CREM: variants seen among roughly 807,000 people sequenced by gnomAD.
CREM encodes cAMP responsive element modulator.
In CREM, 13 loss-of-function variants were observed where a neutral mutation model predicts 37.3. The observed-to-expected ratio is 0.35, with a 90% CI of 0.23 to 0.55. The LOEUF is 0.55. Among genes scored for constraint, CREM ranks in the 20% least tolerant of loss-of-function variants. The probability of loss-of-function intolerance (pLI) is 0.88; values close to 1 mark genes in which losing one functional copy is unlikely to be tolerated. For synonymous variants in CREM, 124 were observed against 120.2 expected (o/e 1.03, Z -0.21); for missense variants, 296 against 362.3 (o/e 0.82, Z 1.49).
At chr10:35,133,178 T>C (rs894116603) in intron 1 of CREM, among the ~76,000 whole-genome samples, 4 of 152,226 alleles carry the variant, frequency 2.6e-5, no homozygotes, top group Admixed American at 2.6e-4. Flanking sequence ...ATTTACAGTT[T>C]ACATTTTTGG....
At chr10:35,160,711 A>G (rs2093238037) in intron 3 of CREM, among the ~76,000 whole-genome samples, 2 of 152,218 alleles carry the variant, frequency 1.3e-5, no homozygotes, top group Admixed American at 1.3e-4. Context: ...TTAGCTTAAA[A>G]CACAAACATA....
At chr10:35,135,634 A>G (rs1236083415) in intron 1 of CREM, 1 of 150,346 alleles carries the variant, frequency 6.7e-6, no homozygotes, top group East Asian at 2.0e-4. Flanking sequence ...TCATGCCTGT[A>G]ATCCCAACAC....
At chr10:35,145,776 C>CA (rs370248344) in intron 2 of CREM, among the ~76,000 whole-genome samples, 66,550 of 85,222 alleles carry the variant, frequency 0.78, 26,657 homozygotes, top group South Asian at 0.9. Flanking sequence ...GACTCTGCCT[C>CA]AAAAAAAAAA....
intron 3 of CREM, among the ~76,000 whole-genome samples, chr10:35,172,724 C>T (rs749421608): frequency 6.6e-6 from 1 of 152,152 alleles, no homozygotes; most frequent in Non-Finnish European, 1.5e-5. Flanking sequence ...CCCGCTGCGT[C>T]CTGACGACCC....
intron 6 of CREM, chr10:35,195,251 C>T (rs111815126): frequency 3.6e-4 from 586 of 1,612,068 alleles, no homozygotes; most frequent in Non-Finnish European, 4.3e-4. Context: ...GTTAATTGTG[C>T]AGATTGTTTT....
intron 3 of CREM, among the ~76,000 whole-genome samples, chr10:35,166,121 T>C (rs1418894648): frequency 6.6e-6 from 1 of 152,240 alleles, no homozygotes; most frequent in Non-Finnish European, 1.5e-5. Flanking sequence ...AACATCTCTT[T>C]AGAAGATAAT....
At chr10:35,187,702 C>T (rs1475415192) in intron 5 of CREM, among the ~76,000 whole-genome samples, 1 of 151,422 alleles carries the variant, frequency 6.6e-6, no homozygotes, top group Non-Finnish European at 1.5e-5. Flanking sequence ...ACAGGGTTTT[C>T]CTGTGTTGCC....
At chr10:35,137,554 T>A (rs1330367485) in intron 1 of CREM, among the ~76,000 whole-genome samples, 1 of 152,132 alleles carries the variant, frequency 6.6e-6, no homozygotes, top group Non-Finnish European at 1.5e-5. Context: ...ATAAGAAAAA[T>A]ACAGTAGAAG....
At chr10:35,186,398 C>A (rs1457839861) in intron 5 of CREM, among the ~76,000 whole-genome samples, 1 of 151,916 alleles carries the variant, frequency 6.6e-6, no homozygotes, top group Non-Finnish European at 1.5e-5. Context: ...TAAAGGAAAT[C>A]TACTTCCTAT....
chr10:35,165,348 T>TC (rs1297782730), intron 3 of CREM, among the ~76,000 whole-genome samples: 4 of 152,008 alleles, frequency 2.6e-5, no homozygotes, highest in South Asian at 2.1e-4. Context: ...TCATGAGGGA[T>TC]CCCCCATGAC....
intron 3 of CREM, among the ~76,000 whole-genome samples, chr10:35,162,141 G>A (rs891532653): frequency 1.3e-5 from 2 of 152,220 alleles, no homozygotes; most frequent in East Asian, 3.8e-4. Context: ...GAATCTGGAA[G>A]TCATTCTGTT....
At chr10:35,158,967 A>T (rs2093120393) in intron 3 of CREM, among the ~76,000 whole-genome samples, 1 of 151,928 alleles carries the variant, frequency 6.6e-6, no homozygotes, top group Non-Finnish European at 1.5e-5. Context: ...CTTAGATCTA[A>T]TTAAACAAAA....
chr10:35,140,343 CTG>C (rs2091251027), intron 2 of CREM, among the ~76,000 whole-genome samples: 1 of 152,144 alleles, frequency 6.6e-6, no homozygotes, highest in South Asian at 2.1e-4. Context: ...GTTGTCCAAA[CTG>C]TAATTCGCAG....
chr10:35,184,985 A>T (rs12775829), intron 5 of CREM, among the ~76,000 whole-genome samples: 1 of 152,064 alleles, frequency 6.6e-6, no homozygotes, highest in Admixed American at 6.6e-5. Flanking sequence ...CTAGATTCAC[A>T]GGGGGCTTAA....
intron 5 of CREM, among the ~76,000 whole-genome samples, chr10:35,185,106 C>CTT (rs34532646): frequency 4.6e-4 from 62 of 135,400 alleles, no homozygotes; most frequent in African/African-American, 1.6e-3. Context: ...CTTTGTACTT[C>CTT]TTTTTTTTTT....
At chr10:35,147,033 T>C (rs1432264687) in intron 2 of CREM, among the ~76,000 whole-genome samples, 1 of 145,160 alleles carries the variant, frequency 6.9e-6, no homozygotes, top group African/African-American at 2.5e-5. Context: ...TTTCTATAAG[T>C]TTTTTGGGTT....
chr10:35,196,060 T>C, intron 6 of CREM: 2 of 1,614,168 alleles, frequency 1.2e-6, no homozygotes, highest in Non-Finnish European at 1.7e-6. Context: ...GAAACTGTAA[T>C]GCATGAACAG....
Position 35,170,747 on chromosome 10 carries a change from T to A in CREM, c.169-8142T>A, listed in dbSNP as rs189383297. On this transcript the variant is annotated intron_variant, in intron 3 of 7. Transcript: ENST00000685392. ...TAATTCTGTGGGGTCGGTGGTGATA[T>A]CCCCTTTATCATGTTTTATTGCATC... Among the ~76,000 whole-genome samples the A allele has an allele frequency of 4.3e-3, 659 of 152,300 alleles. 9 individuals are homozygous for A. The highest frequency in any genetic ancestry group is 0.016 in the African/African-American group (645 of 41,562).
At chr10:35,134,632 T>C (rs7090722) in intron 1 of CREM, among the ~76,000 whole-genome samples, 19,882 of 152,270 alleles carry the variant, frequency 0.13, 1,492 homozygotes, top group Middle Eastern at 0.18. Flanking sequence ...CTCTGTAATA[T>C]ATAATCCCAT....
Sources: gnomAD v4.1 joint callset for allele counts (sites outside exome capture counted in the v4.1 genomes callset) on GRCh38, gnomAD v4.1.1 for gene constraint, MANE v1.5 for transcripts, NCBI Gene and HGNC (gene_info 2026-07-23, HGNC 2026-07-21) for gene names.